Variants in BICD1 observed in about 807,000 individuals in gnomAD.
BICD1 encodes the protein BICD cargo adaptor 1, also known as protein bicaudal D homolog 1.
A neutral mutation model predicts 92.5 loss-of-function variants in BICD1; 35 were observed. The ratio of observed to expected loss-of-function variants is 0.38; its 90% CI spans 0.29 to 0.50. The LOEUF (loss-of-function observed/expected upper bound fraction) is 0.50, where lower values mean the gene tolerates loss of function less well. Among genes scored for constraint, BICD1 ranks in the 20% least tolerant of loss-of-function variants. The pLI is 0.93. For missense variants in BICD1, 950 were observed against 1,189.8 expected (o/e 0.80, Z 2.97); for synonymous variants, 429 against 465.1 (o/e 0.92, Z 1.00).
intron 8 of BICD1, 114 bp from the exon 9 acceptor site, chr12:32,367,556 T>G (rs554205573): frequency 9.8e-6 from 9 of 915,924 alleles, no homozygotes; most frequent in Non-Finnish European, 1.4e-5. Flanking sequence ...AGGATATTTC[T>G]GTGTGAATGC....
chr12:32,232,794 G>T (rs908627684), intron 2 of BICD1, among the ~76,000 whole-genome samples: 3 of 152,198 alleles, frequency 2.0e-5, no homozygotes, highest in African/African-American at 7.2e-5. Context: ...TCCAGTTTCA[G>T]CTTTCTACAT....
At position 32,233,322 on chromosome 12, in the gene BICD1, T is replaced by TTAAAAA. The variant is rs35803631; in HGVS notation, c.426+16863_426+16864insTAAAAA. Among the ~76,000 whole-genome samples the TTAAAAA allele has an allele frequency of 6.4e-4, 81 of 127,078 alleles. 6 individuals are homozygous for TTAAAAA. The highest frequency in any genetic ancestry group is 4.3e-3 in the Middle Eastern group (1 of 232). 83.4% of individuals were successfully genotyped at this position (127,078 alleles called of 152,430 possible). ...GGATGACAGAGCAAGAGTCTGTCTT[T>TTAAAAA]AAAAAAAAAAAAAAAAAAGTAGGCT... On this transcript the variant is annotated intron_variant, in intron 2 of 9. Transcript: ENST00000652176.
At chr12:32,265,586 G>A (rs12828628) in intron 2 of BICD1, among the ~76,000 whole-genome samples, 11,817 of 149,966 alleles carry the variant, frequency 0.079, 743 homozygotes, top group East Asian at 0.3. Flanking sequence ...GCACAGTGTC[G>A]CATGCCTCTA....
Position 32,381,013 on chromosome 12 carries a change from TAGTA to T in BICD1, c.*3391_*3394del, listed in dbSNP as rs1413675687. The T allele has an allele frequency of 6.6e-6, 1 of 152,090 alleles. No homozygotes were observed. The highest frequency in any genetic ancestry group is 1.5e-5 in the Non-Finnish European group (1 of 67,962). 9.4% of individuals were successfully genotyped at this position (152,090 alleles called of 1,614,324 possible). On this transcript the variant is annotated 3_prime_UTR_variant, in exon 10 of 10. Transcript: ENST00000652176. ...TAAAAATTGAATATCATTGGTGGTC[TAGTA>T]AGTATTAAGTGGCAAGATAGGAGAA...
intron 8 of BICD1, among the ~76,000 whole-genome samples, chr12:32,359,967 C>T (rs962454225): frequency 6.6e-6 from 1 of 151,998 alleles, no homozygotes; most frequent in African/African-American, 2.4e-5. Context: ...AGGCAGATCA[C>T]GAGGTCAGGG....
At chr12:32,295,656 C>CTTTTTT (rs142531197) in intron 3 of BICD1, among the ~76,000 whole-genome samples, 1 of 140,678 alleles carries the variant, frequency 7.1e-6, no homozygotes, top group Non-Finnish European at 1.5e-5. Context: ...AATTTGATTT[C>CTTTTTT]TTTTTTTTTT....
chr12:32,142,699 CATT>C (rs761824294), intron 1 of BICD1, among the ~76,000 whole-genome samples: 2 of 152,162 alleles, frequency 1.3e-5, no homozygotes, highest in Non-Finnish European at 2.9e-5. Flanking sequence ...AAAATTTCAT[CATT>C]AAGATTATTC....
chr12:32,231,193 C>A (rs996917469), intron 2 of BICD1, among the ~76,000 whole-genome samples: 2 of 152,036 alleles, frequency 1.3e-5, no homozygotes, highest in African/African-American at 4.8e-5. Flanking sequence ...AAAATTAAAG[C>A]GTATTTAGGC....
chr12:32,247,943 C>T (rs574815634), intron 2 of BICD1, among the ~76,000 whole-genome samples: 3 of 151,848 alleles, frequency 2.0e-5, no homozygotes, highest in South Asian at 2.1e-4. Flanking sequence ...AAATTAGCCA[C>T]GTGGTGGTGC....
intron 1 of BICD1, among the ~76,000 whole-genome samples, chr12:32,213,481 C>T (rs1175484058): frequency 3.9e-5 from 6 of 152,120 alleles, no homozygotes; most frequent in South Asian, 2.1e-4. Flanking sequence ...CTGCAACCTC[C>T]GTCTCTCGGG....
intron 1 of BICD1, among the ~76,000 whole-genome samples, chr12:32,198,119 C>T (rs918895443): frequency 4.6e-5 from 7 of 151,666 alleles, no homozygotes; most frequent in Non-Finnish European, 7.4e-5. Context: ...GCAAGAGAAT[C>T]GCTTGAACCT....
chr12:32,237,036 G>A (rs1343138534), intron 2 of BICD1, among the ~76,000 whole-genome samples: 5 of 151,920 alleles, frequency 3.3e-5, no homozygotes, highest in South Asian at 2.1e-4. Context: ...CACCATACCC[G>A]GCTAATTTTT....
intron 8 of BICD1, among the ~76,000 whole-genome samples, chr12:32,362,354 C>G (rs1175996347): frequency 1.3e-5 from 2 of 152,040 alleles, no homozygotes; most frequent in African/African-American, 4.8e-5. Context: ...GAGCGAAACT[C>G]TGTCTCAAAG....
chr12:32,232,957 C>A (rs891555087), intron 2 of BICD1, among the ~76,000 whole-genome samples: 1 of 152,092 alleles, frequency 6.6e-6, no homozygotes, highest in African/African-American at 2.4e-5. Flanking sequence ...TGTCATTAAG[C>A]CAGCGCCAAA....
At chr12:32,246,475 A>G (rs565426301) in intron 2 of BICD1, among the ~76,000 whole-genome samples, 20 of 152,108 alleles carry the variant, frequency 1.3e-4, no homozygotes, top group Non-Finnish European at 2.5e-4. Flanking sequence ...CCATCTCTAT[A>G]AAAATTTTAA....
chr12:32,181,082 A>T (rs1944259284), intron 1 of BICD1, among the ~76,000 whole-genome samples: 1 of 151,806 alleles, frequency 6.6e-6, no homozygotes, highest in Non-Finnish European at 1.5e-5. Flanking sequence ...TGTTTTTGGC[A>T]TTTGGAGACA....
chr12:32,322,905 G>A (rs1355348609), intron 4 of BICD1, among the ~76,000 whole-genome samples: 4 of 152,112 alleles, frequency 2.6e-5, no homozygotes, highest in African/African-American at 7.2e-5. Context: ...TTTGAAGGGC[G>A]TTTTGGAAAC....
At chr12:32,149,986 A>G (rs1218710717) in intron 1 of BICD1, among the ~76,000 whole-genome samples, 1 of 152,208 alleles carries the variant, frequency 6.6e-6, no homozygotes, top group Non-Finnish European at 1.5e-5. Context: ...CGGAGGCCTC[A>G]CAGTCATGGC....
At chr12:32,203,567 A>C (rs963095449) in intron 1 of BICD1, among the ~76,000 whole-genome samples, 1 of 152,170 alleles carries the variant, frequency 6.6e-6, no homozygotes, top group Admixed American at 6.5e-5. Context: ...TTCCTTGTCT[A>C]TGAGGAACAT....
Sources: gnomAD v4.1 joint callset for allele counts (sites outside exome capture counted in the v4.1 genomes callset) on GRCh38, gnomAD v4.1.1 for gene constraint, MANE v1.5 for transcripts, NCBI Gene and HGNC (gene_info 2026-07-23, HGNC 2026-07-21) for gene names.